Variants in CFAP299 observed in about 807,000 individuals in gnomAD.
CFAP299 encodes the protein cilia and flagella associated protein 299, also known as cilia- and flagella-associated protein 299.
Under a neutral mutation model 27.0 loss-of-function variants are expected in CFAP299, and 21 were observed. That is an observed-to-expected ratio of 0.78 (90% confidence interval 0.55 to 1.12). The LOEUF (loss-of-function observed/expected upper bound fraction) is 1.12, where lower values mean the gene tolerates loss of function less well. Ranked by LOEUF, CFAP299 falls within the 50% of genes most tolerant of loss-of-function variation. The pLI, the probability that CFAP299 is intolerant of heterozygous loss-of-function variation, is 0.00. For missense variants in CFAP299, 310 were observed against 276.6 expected (o/e 1.12, Z -0.86); for synonymous variants, 104 against 98.1 (o/e 1.06, Z -0.36).
chr4:80,956,984 A>G (rs1738103715), intron 5 of CFAP299, among the ~76,000 whole-genome samples: 3 of 152,022 alleles, frequency 2.0e-5, no homozygotes. Flanking sequence ...GATAGCTTTC[A>G]TTGCTTCTAT....
chr4:80,811,825 A>G (rs1435842410), intron 3 of CFAP299, among the ~76,000 whole-genome samples: 1 of 152,114 alleles, frequency 6.6e-6, no homozygotes, highest in Non-Finnish European at 1.5e-5. Context: ...AAGAGAAAAG[A>G]TAGAAAAGCA....
At chr4:80,480,962 C>A (rs1349414935) in intron 2 of CFAP299, among the ~76,000 whole-genome samples, 1 of 151,890 alleles carries the variant, frequency 6.6e-6, no homozygotes, top group Non-Finnish European at 1.5e-5. Context: ...GTTCATTATT[C>A]CTGAAAAACT....
At chr4:80,337,599 T>C (rs1022370165) in intron 1 of CFAP299, among the ~76,000 whole-genome samples, 2 of 151,996 alleles carry the variant, frequency 1.3e-5, no homozygotes, top group African/African-American at 4.8e-5. Flanking sequence ...GGTTTCACCA[T>C]GTTGGCCAGG....
intron 2 of CFAP299, chr4:80,387,890 C>G: frequency 9.9e-7 from 1 of 1,013,986 alleles, no homozygotes; most frequent in South Asian, 1.3e-5. Flanking sequence ...TCAAAGATGG[C>G]CACGGTGCCC....
intron 3 of CFAP299, among the ~76,000 whole-genome samples, chr4:80,586,057 C>T (rs1207458269): frequency 6.6e-6 from 1 of 152,074 alleles, no homozygotes; most frequent in Non-Finnish European, 1.5e-5. Flanking sequence ...TTGAGGTAGA[C>T]AGTAACTAGA....
intron 3 of CFAP299, among the ~76,000 whole-genome samples, chr4:80,603,109 G>A (rs1484607233): frequency 6.6e-6 from 1 of 152,084 alleles, no homozygotes; most frequent in East Asian, 1.9e-4. Context: ...CAAAAGCAAG[G>A]AATTATGGAT....
At chr4:80,926,585 C>G (rs1426953336) in intron 4 of CFAP299, among the ~76,000 whole-genome samples, 4 of 151,974 alleles carry the variant, frequency 2.6e-5, no homozygotes, top group Non-Finnish European at 4.4e-5. Flanking sequence ...AGGGAACAAC[C>G]TAGGATAATC....
chr4:80,558,350 G>GTTTTTTTTTTTTTT lies in CFAP299; in HGVS notation c.243-24740_243-24739insTTTTTTTTTTTTTT. Among the ~76,000 whole-genome samples the GTTTTTTTTTTTTTT allele has an allele frequency of 6.2e-4, 82 of 132,200 alleles. 5 individuals are homozygous for GTTTTTTTTTTTTTT. The highest frequency in any genetic ancestry group is 2.2e-3 in the African/African-American group (73 of 33,042). The allele number at this position is 132,200 out of a possible 152,430, so 86.7% of individuals were successfully genotyped here. A position where few individuals can be genotyped will look rare whatever the true frequency, so the allele number is the denominator to read the frequency against. On this transcript the variant is annotated intron_variant, in intron 2 of 5. Coordinates refer to ENST00000358105, the MANE Select transcript of CFAP299 (RefSeq NM_152770.3). ...GAAGACTTTTGTGGTTTTTTTGTTTGTTTGTTTGTTTGTTTGTTTTTTTTT... is the reference window on the plus strand; with the variant it reads ...GAAGACTTTTGTGGTTTTTTTGTTTGTTTTTTTTTTTTTTTTTGTTTGTTTGTTTGTTTTTTTTT...
intron 3 of CFAP299, among the ~76,000 whole-genome samples, chr4:80,816,415 C>G (rs892991621): frequency 6.6e-6 from 1 of 152,098 alleles, no homozygotes; most frequent in Non-Finnish European, 1.5e-5. Flanking sequence ...TAGTGATACT[C>G]CCTCAATTTG....
chr4:80,922,984 T>C (rs901320585), intron 4 of CFAP299, among the ~76,000 whole-genome samples: 5 of 151,838 alleles, frequency 3.3e-5, no homozygotes, highest in Non-Finnish European at 7.4e-5. Context: ...TTGGGCAAAA[T>C]TGTGTTCACT....
At chr4:80,433,169 A>G (rs1727908312) in intron 2 of CFAP299, among the ~76,000 whole-genome samples, 2 of 152,086 alleles carry the variant, frequency 1.3e-5, no homozygotes, top group African/African-American at 4.8e-5. Flanking sequence ...CCACAGAGGA[A>G]AAAAAAAGAT....
At chr4:80,733,098 G>A (rs1423845198) in intron 3 of CFAP299, among the ~76,000 whole-genome samples, 3 of 151,904 alleles carry the variant, frequency 2.0e-5, no homozygotes, top group African/African-American at 7.3e-5. Flanking sequence ...ATAATTTTGA[G>A]GTCTACATAT....
intron 2 of CFAP299, among the ~76,000 whole-genome samples, chr4:80,515,120 A>G (rs1732517458): frequency 6.6e-6 from 1 of 152,170 alleles, no homozygotes; most frequent in Non-Finnish European, 1.5e-5. Context: ...CATTTGTTTA[A>G]TTTTAACATC....
intron 3 of CFAP299, among the ~76,000 whole-genome samples, chr4:80,655,669 C>G (rs559705533): frequency 3.9e-5 from 6 of 152,094 alleles, no homozygotes; most frequent in Non-Finnish European, 7.4e-5. Context: ...TGAGTAGACA[C>G]TTCAACTTGA....
At position 80,359,235 on chromosome 4, in the gene CFAP299, T is replaced by C. The variant is rs1723425135; in HGVS notation, c.112-3519T>C. Among the ~76,000 whole-genome samples the C allele has an allele frequency of 3.3e-5, 5 of 152,344 alleles. No homozygotes were observed. The South Asian group carries it at 1.0e-3, about 32-fold the overall frequency. ...CTTTATAGGTGATCTGACGCTTCTC[T>C]CTAGCTGCCCTTAACAGTTTTTCTT... On this transcript the variant is annotated intron_variant, in intron 1 of 5. Transcript: ENST00000358105.
chr4:80,921,931 T>G (rs1415519508), intron 4 of CFAP299, among the ~76,000 whole-genome samples: 3 of 151,924 alleles, frequency 2.0e-5, no homozygotes, highest in Non-Finnish European at 4.4e-5. Flanking sequence ...GTCTAAAACA[T>G]GGATGTCTCA....
chr4:80,560,646 CCCTTAAGAGAA>C, intron 2 of CFAP299, among the ~76,000 whole-genome samples: 1 of 152,192 alleles, frequency 6.6e-6, no homozygotes, highest in African/African-American at 2.4e-5. Flanking sequence ...GAGACCGTGA[CCCTTAAGAGAA>C]CATCAGTGGT....
At chr4:80,941,052 T>A (rs923709734) in intron 4 of CFAP299, among the ~76,000 whole-genome samples, 6 of 152,168 alleles carry the variant, frequency 3.9e-5, no homozygotes, top group Non-Finnish European at 8.8e-5. Context: ...GATATAAAAT[T>A]GTGTAATATT....
chr4:80,632,287 C>T (rs1191475819), intron 3 of CFAP299, among the ~76,000 whole-genome samples: 2 of 89,084 alleles, frequency 2.2e-5, no homozygotes, highest in Non-Finnish European at 7.0e-5. Flanking sequence ...AACAAATATG[C>T]TTTAAGTTAT....
Sources: allele counts gnomAD v4.1 joint callset (sites outside exome capture counted in the v4.1 genomes callset), GRCh38; gene constraint gnomAD v4.1.1; transcripts MANE v1.5; gene names NCBI Gene and HGNC (gene_info 2026-07-23, HGNC 2026-07-21).